WWP1: variants seen among roughly 807,000 people sequenced by gnomAD.
The protein encoded by WWP1 is WW domain containing E3 ubiquitin protein ligase 1, also known as NEDD4-like E3 ubiquitin-protein ligase WWP1.
WWP1 carries 49 observed loss-of-function variants against 130.6 expected under a neutral mutation model. The ratio of observed to expected loss-of-function variants is 0.38; its 90% CI spans 0.30 to 0.48. The LOEUF is 0.48. Among genes scored for constraint, WWP1 ranks in the 20% least tolerant of loss-of-function variants. The pLI, the probability that WWP1 is intolerant of heterozygous loss-of-function variation, is 0.99. For synonymous variants in WWP1, 332 were observed against 367.8 expected, an observed-to-expected ratio of 0.90 and a Z score of 1.11; for missense variants, 809 against 1,100.6, an observed-to-expected ratio of 0.74 and a Z score of 3.75.
At chr8:86,397,754 G>A (rs1043318283) in intron 5 of WWP1, among the ~76,000 whole-genome samples, 1 of 152,156 alleles carries the variant, frequency 6.6e-6, no homozygotes, top group African/African-American at 2.4e-5. Context: ...TGGGAAGGAA[G>A]TATTTGTCCT....
At chr8:86,390,135 T>G in intron 5 of WWP1, among the ~76,000 whole-genome samples, 1 of 135,646 alleles carries the variant, frequency 7.4e-6, no homozygotes, top group African/African-American at 2.9e-5. Context: ...TCTCAGACGA[T>G]GGGCAGCCGG....
At chr8:86,349,188 A>G in intron 1 of WWP1, among the ~76,000 whole-genome samples, 1 of 151,920 alleles carries the variant, frequency 6.6e-6, no homozygotes. Context: ...TGCCCAGCTA[A>G]TTTTTGTATT....
At chr8:86,411,304 A>AT (rs1490538273) in intron 8 of WWP1, among the ~76,000 whole-genome samples, 1 of 152,162 alleles carries the variant, frequency 6.6e-6, no homozygotes, top group African/African-American at 2.4e-5. Context: ...ATTATTATAC[A>AT]TACTTAAATT....
chr8:86,445,738 C>G (rs999824211), intron 18 of WWP1, among the ~76,000 whole-genome samples: 1 of 152,108 alleles, frequency 6.6e-6, no homozygotes, highest in African/African-American at 2.4e-5. Context: ...TTCCAACCTG[C>G]TTTTCAAAGT....
At position 86,414,227 on chromosome 8, in the gene WWP1, CTGTGTGTGTG is replaced by C. The variant is rs35397366; in HGVS notation, c.1061+2365_1061+2374del. On this transcript the variant is annotated intron_variant, in intron 9 of 24. Transcript: ENST00000517970. Reference sequence around the variant, plus strand: ...CATTGTTTCCTGAAAGTTTGTTTTTCTGTGTGTGTGTGTGTGTGTGTATGTGTGTGTATGT... The same window carrying C: ...CATTGTTTCCTGAAAGTTTGTTTTTCTGTGTGTGTGTATGTGTGTGTATGT... 2.6e-5 allele frequency among the ~76,000 whole-genome samples: 4 copies of C among 150,946 alleles called. No homozygotes were observed. The Admixed American group carries it at 2.7e-4, about 10-fold the overall frequency.
chr8:86,408,668 C>G (rs906726358), intron 8 of WWP1, among the ~76,000 whole-genome samples: 2 of 152,192 alleles, frequency 1.3e-5, no homozygotes, highest in African/African-American at 4.8e-5. Context: ...GTAATCCCAG[C>G]ATTTTGGGAG....
In WWP1 at chr8:86,468,405, ACT is replaced by A. The variant is rs1303968441; in HGVS notation, c.*1515_*1516del. 7 of 449,648 alleles carry A rather than the reference ACT, an allele frequency of 1.6e-5. No individual in the cohort carries two copies. Among genetic ancestry groups the A allele is most frequent in the Admixed American group, 2.4e-5 (1 of 40,964 alleles). 27.9% of individuals were successfully genotyped at this position (449,648 alleles called of 1,614,324 possible). A position where few individuals can be genotyped will look rare whatever the true frequency, so the allele number is the denominator to read the frequency against. On this transcript the variant is annotated 3_prime_UTR_variant, in exon 25 of 25. Transcript: ENST00000517970. ...CCTTTTCCAAATCCTTATTATGAACACTCTGGTAATTTTCAAGCCTAAAGAAT... is the reference window on the plus strand; with the variant it reads ...CCTTTTCCAAATCCTTATTATGAACACTGGTAATTTTCAAGCCTAAAGAAT...
At chr8:86,454,294 T>A (rs1027940670) in intron 21 of WWP1, among the ~76,000 whole-genome samples, 7 of 152,134 alleles carry the variant, frequency 4.6e-5, no homozygotes, top group Non-Finnish European at 7.4e-5. Context: ...TTAATTTTTT[T>A]ATTTTTTTTA....
chr8:86,395,789 T>G (rs766415434), intron 5 of WWP1, among the ~76,000 whole-genome samples: 10 of 152,208 alleles, frequency 6.6e-5, no homozygotes, highest in Non-Finnish European at 1.3e-4. Flanking sequence ...GAAAAATATC[T>G]TCAAAGAGTT....
chr8:86,361,769 C>T (rs1291043333), intron 1 of WWP1, among the ~76,000 whole-genome samples: 1 of 151,958 alleles, frequency 6.6e-6, no homozygotes, highest in Non-Finnish European at 1.5e-5. Flanking sequence ...CTCTTTACCT[C>T]TTACCTCCAA....
At chr8:86,434,456 T>C (rs1586453776) in intron 14 of WWP1, among the ~76,000 whole-genome samples, 1 of 152,164 alleles carries the variant, frequency 6.6e-6, no homozygotes, top group East Asian at 1.9e-4. Context: ...CCATATGGCT[T>C]TTGCCCTCTC....
Position 86,447,141 on chromosome 8 carries a change from G to A in WWP1, c.1999-1007G>A, listed in dbSNP as rs1341089164. On this transcript the variant is annotated intron_variant, in intron 18 of 24. Coordinates refer to ENST00000517970, the MANE Select transcript of WWP1 (RefSeq NM_007013.4). ...TGTCGGTCATAGAGCAGTCAGCTTG[G>A]TTGTTTATGCATTTCTAGCATGTTC... 2.0e-5 allele frequency among the ~76,000 whole-genome samples: 3 copies of A among 152,210 alleles called. No homozygotes were observed. In the East Asian group the frequency reaches 5.8e-4, roughly 29 times the overall value.
chr8:86,449,131 C>G (rs1418121507), intron 20 of WWP1, among the ~76,000 whole-genome samples: 3 of 152,138 alleles, frequency 2.0e-5, no homozygotes, highest in South Asian at 2.1e-4. Context: ...TGTCACCATC[C>G]TGGTCACTTG....
Position 86,362,761 on chromosome 8 carries a change from A to G in WWP1, c.-114-6178A>G, listed in dbSNP as rs186548208. Among the ~76,000 whole-genome samples the G allele has an allele frequency of 1.7e-3, 259 of 152,272 alleles. 2 individuals carry two copies. Among genetic ancestry groups the G allele is most frequent in the African/African-American group, 5.9e-3 (245 of 41,552 alleles). ...TATTTAATTTCAAGGACTCAATGCTAGACAAGATCGAGTGTAGTGTCTTTT... is the reference window on the plus strand; with the variant it reads ...TATTTAATTTCAAGGACTCAATGCTGGACAAGATCGAGTGTAGTGTCTTTT... On this transcript the variant is annotated intron_variant, in intron 1 of 24. Transcript: ENST00000517970.
intron 8 of WWP1, among the ~76,000 whole-genome samples, chr8:86,408,510 G>T (rs780445634): frequency 6.6e-6 from 1 of 152,160 alleles, no homozygotes; most frequent in Non-Finnish European, 1.5e-5. Flanking sequence ...ACCAACATTT[G>T]CATTTCAAGG....
intron 18 of WWP1, 130 bp from the exon 19 acceptor site, chr8:86,448,018 A>G (rs750576816): frequency 2.2e-5 from 17 of 765,980 alleles, no homozygotes; most frequent in Non-Finnish European, 3.4e-5. Context: ...TTTAGTTTTC[A>G]TGATTTATGC....
intron 3 of WWP1, among the ~76,000 whole-genome samples, chr8:86,377,020 A>G (rs1379653002): frequency 1.3e-5 from 2 of 152,176 alleles, no homozygotes; most frequent in Non-Finnish European, 2.9e-5. Flanking sequence ...TAATAATGAG[A>G]AACCAACTGA....
intron 5 of WWP1, among the ~76,000 whole-genome samples, chr8:86,382,827 G>A (rs1363515056): frequency 1.3e-5 from 2 of 152,186 alleles, no homozygotes; most frequent in African/African-American, 2.4e-5. Context: ...ACTAAAAATA[G>A]GCTCTTGCTC....
At chr8:86,431,302 T>C in intron 12 of WWP1, 104 bp from the exon 13 acceptor site, 1 of 269,216 alleles carries the variant, frequency 3.7e-6, no homozygotes, top group Non-Finnish European at 6.3e-6. Context: ...ATCCCTGATA[T>C]GTTTTTATAT....
Sources: allele counts gnomAD v4.1 joint callset (sites outside exome capture counted in the v4.1 genomes callset), GRCh38; gene constraint gnomAD v4.1.1; transcripts MANE v1.5; gene names NCBI Gene and HGNC (gene_info 2026-07-23, HGNC 2026-07-21).